Variants in SLC13A4 observed in about 807,000 individuals in gnomAD.
The protein encoded by SLC13A4 is solute carrier family 13 member 4, also known as Na(+)/sulfate cotransporter SUT-1.
Under a neutral mutation model 72.7 loss-of-function variants are expected in SLC13A4, and 28 were observed. That is an observed-to-expected ratio of 0.39 (90% CI 0.29 to 0.53). SLC13A4 has a LOEUF of 0.53. Among genes scored for constraint, SLC13A4 ranks in the 20% least tolerant of loss-of-function variants. The probability of loss-of-function intolerance (pLI) is 0.78; values close to 1 mark genes in which losing one functional copy is unlikely to be tolerated. For synonymous variants in SLC13A4, 312 were observed against 325.5 expected, an observed-to-expected ratio of 0.96 and a Z score of 0.45; for missense variants, 653 against 788.0, an observed-to-expected ratio of 0.83 and a Z score of 2.05.
chr7:135,726,890 T>G (rs536547718), intron 1 of SLC13A4, among the ~76,000 whole-genome samples: 1 of 152,348 alleles, frequency 6.6e-6, no homozygotes, highest in Non-Finnish European at 1.5e-5. Flanking sequence ...GAGCTTCAAC[T>G]GTGGTCATCG....
In SLC13A4 at chr7:135,698,945, T is replaced by C. The variant is rs1295787605; in HGVS notation, c.899+419A>G. 2.6e-5 allele frequency among the ~76,000 whole-genome samples: 4 copies of C among 152,106 alleles called. No individual in the cohort carries two copies. In the East Asian group the frequency reaches 7.7e-4, roughly 29 times the overall value. Reference sequence around the variant, plus strand: ...ACTGCGCCCGGCCTTTTTTTTGTTTTTGTTTTTTAAATAGAGACACTGTCT... The same window carrying C: ...ACTGCGCCCGGCCTTTTTTTTGTTTCTGTTTTTTAAATAGAGACACTGTCT... On this transcript the variant is annotated intron_variant, in intron 8 of 15. Transcript: ENST00000682651.
At chr7:135,714,826 G>A (rs1027225670) in intron 2 of SLC13A4, among the ~76,000 whole-genome samples, 1 of 152,204 alleles carries the variant, frequency 6.6e-6, no homozygotes, top group Non-Finnish European at 1.5e-5. Context: ...AGGCGGCAGC[G>A]GCTGCGGGTT....
Position 135,728,149 on chromosome 7 carries a change from T to C in SLC13A4, c.-653A>G, listed in dbSNP as rs1007405598. On this transcript the variant is annotated 5_prime_UTR_variant, in exon 1 of 16. Coordinates refer to ENST00000682651, the MANE Select transcript of SLC13A4 (RefSeq NM_001318192.2). ...ATGTCTTTCCCTCAAATTGGTTCCC[T>C]ACTTATAATTTGCCTTGAGCCTGGG... The C allele has an allele frequency of 1.3e-5, 2 of 152,192 alleles. No homozygotes were observed. The highest frequency in any genetic ancestry group is 4.8e-5 in the African/African-American group (2 of 41,434). 9.4% of individuals were successfully genotyped at this position (152,192 alleles called of 1,614,324 possible). A position where few individuals can be genotyped will look rare whatever the true frequency, so the allele number is the denominator to read the frequency against.
At chr7:135,707,321 TAGG>T (rs1237137474) in intron 3 of SLC13A4, 1 of 152,110 alleles carries the variant, frequency 6.6e-6, no homozygotes, top group Non-Finnish European at 1.5e-5. Context: ...ATTACTGAGT[TAGG>T]GGGTGGATTA....
At chr7:135,715,440 A>T (rs1261780910) in intron 2 of SLC13A4, among the ~76,000 whole-genome samples, 1 of 149,724 alleles carries the variant, frequency 6.7e-6, no homozygotes, top group African/African-American at 2.5e-5. Context: ...CGTGTGTATG[A>T]GTGTGTGAAT....
chr7:135,681,649 C>T lies in SLC13A4; in HGVS notation c.1798G>A (p.Ala600Thr), dbSNP rs1563152949. Residue 600 changes from alanine (A) to threonine (T), a missense_variant, in exon 16 of 16, where the codon GCC (alanine) becomes ACC (threonine). Ala to Thr is a moderately conservative substitution (Grantham distance 58, BLOSUM62 0). Transcript: ENST00000682651. ...AGGCTAACTCCCCAGGTGTTGATGG[C>T]CACCATTACTATCACCAGTCCAATA... ...NVIGLVIVMVAINTWGVSLFH... is the reference protein window; with the variant it reads ...NVIGLVIVMVTINTWGVSLFH... 6.2e-7 allele frequency: 1 copy of T among 1,614,098 alleles called. No individual in the cohort carries two copies. Among genetic ancestry groups the T allele is most frequent in the Non-Finnish European group, 8.5e-7 (1 of 1,179,982 alleles).
intron 2 of SLC13A4, among the ~76,000 whole-genome samples, chr7:135,715,468 A>AGT (rs144158091): frequency 1.4e-5 from 2 of 147,322 alleles, no homozygotes; most frequent in African/African-American, 2.6e-5. Flanking sequence ...AGTGCATATG[A>AGT]GTGTGTGTAT....
At chr7:135,701,045 G>T (rs1796022192) in intron 7 of SLC13A4, among the ~76,000 whole-genome samples, 1 of 152,136 alleles carries the variant, frequency 6.6e-6, no homozygotes, top group South Asian at 2.1e-4. Flanking sequence ...TTGGTCTTGG[G>T]TTATGATTTC....
intron 2 of SLC13A4, among the ~76,000 whole-genome samples, chr7:135,718,531 A>G (rs1796479481): frequency 6.6e-6 from 1 of 151,030 alleles, no homozygotes; most frequent in Admixed American, 6.6e-5. Flanking sequence ...GGGAGAGCAC[A>G]TGTCTATGAA....
chr7:135,684,510 T>G (rs1384385295), intron 14 of SLC13A4, among the ~76,000 whole-genome samples: 3 of 152,202 alleles, frequency 2.0e-5, no homozygotes, highest in African/African-American at 7.2e-5. Context: ...TTTGATTTTT[T>G]TGGTGTTATT....
intron 2 of SLC13A4, among the ~76,000 whole-genome samples, chr7:135,719,836 C>T (rs1449021418): frequency 7.2e-6 from 1 of 138,496 alleles, no homozygotes; most frequent in African/African-American, 2.7e-5. Flanking sequence ...TGTATAGCCA[C>T]ACACACGCAT....
chr7:135,712,158 G>A (rs1275681198), intron 2 of SLC13A4, among the ~76,000 whole-genome samples: 3 of 151,112 alleles, frequency 2.0e-5, no homozygotes, highest in Admixed American at 6.6e-5. Flanking sequence ...ATTTATAATC[G>A]CAGTCCTGAC....
At chr7:135,694,690 A>T (rs55763351) in intron 9 of SLC13A4, among the ~76,000 whole-genome samples, 5,395 of 152,332 alleles carry the variant, frequency 0.035, 325 homozygotes, top group African/African-American at 0.12. Context: ...ACACACAAAC[A>T]TCTGCGTATA....
rs533878462 is a variant in SLC13A4, at chr7:135,695,263, G to A, written c.1019+105C>T. 108 of 1,473,082 alleles carry A rather than the reference G, an allele frequency of 7.3e-5. No homozygotes were observed. The African/African-American group carries it at 1.3e-3, about 18-fold the overall frequency. 91.3% of individuals were successfully genotyped at this position (1,473,082 alleles called of 1,614,324 possible). A position where few individuals can be genotyped will look rare whatever the true frequency, so the allele number is the denominator to read the frequency against. On this transcript the variant is annotated intron_variant, in intron 9 of 15. Transcript: ENST00000682651. ...GCATTCTCCTTGGGCATCCTCTGTG[G>A]TTACTTGGCAGTCCCCCTTGCACAG... is the stretch of plus-strand genomic sequence containing the variant.
chr7:135,695,575 A>G, intron 8 of SLC13A4, 88 bp from the exon 9 acceptor site: 2 of 1,444,240 alleles, frequency 1.4e-6, no homozygotes, highest in Non-Finnish European at 9.4e-7. Flanking sequence ...TCCCTAAAAC[A>G]TACAGCTGGG....
chr7:135,721,669 G>T, intron 1 of SLC13A4, 146 bp from the exon 2 acceptor site: 1 of 962,350 alleles, frequency 1.0e-6, no homozygotes. Flanking sequence ...GAACTGGCAG[G>T]CGAGCATGGT....
chr7:135,691,514 C>T (rs1202740049), intron 12 of SLC13A4, 34 bp downstream of exon 12: 2 of 1,567,962 alleles, frequency 1.3e-6, no homozygotes, highest in African/African-American at 2.7e-5. Context: ...TATTCTTCAA[C>T]TAGAGCTACC....
At chr7:135,691,762 A>G (rs758091386) in intron 11 of SLC13A4, 117 bp from the exon 12 acceptor site, 9 of 680,900 alleles carry the variant, frequency 1.3e-5, no homozygotes, top group Non-Finnish European at 2.3e-5. Context: ...TCTAGAGGTA[A>G]CATTAAGCTT....
rs140887559 is a variant in SLC13A4, at chr7:135,687,283, G to A, written c.1447-1600C>T. 4.2e-3 allele frequency among the ~76,000 whole-genome samples: 639 copies of A among 152,226 alleles called. 10 individuals carry two copies. The highest frequency in any genetic ancestry group is 3.0e-3 in the Non-Finnish European group (207 of 68,004). ...TTTCCCATGGTACCCTAGAAACTGC[G>A]AATGCAATGACAATATGGAGAGCAG... On this transcript the variant is annotated intron_variant, in intron 13 of 15. Transcript: ENST00000682651.
Sources: allele counts gnomAD v4.1 joint callset (sites outside exome capture counted in the v4.1 genomes callset), GRCh38; gene constraint gnomAD v4.1.1; transcripts MANE v1.5; gene names NCBI Gene and HGNC (gene_info 2026-07-23, HGNC 2026-07-21).